Variants in FRMD6 observed in about 807,000 individuals in gnomAD.
FRMD6 encodes the protein FERM domain-containing protein 6.
A neutral mutation model predicts 73.2 loss-of-function variants in FRMD6; 37 were observed. The ratio of observed to expected loss-of-function variants is 0.51; its 90% CI spans 0.39 to 0.66. The LOEUF (loss-of-function observed/expected upper bound fraction) is 0.66, where lower values mean the gene tolerates loss of function less well. Among genes scored for constraint, FRMD6 ranks in the 30% least tolerant of loss-of-function variants. The pLI, the probability that FRMD6 is intolerant of heterozygous loss-of-function variation, is 0.00. For missense variants in FRMD6, 714 were observed against 780.5 expected, an observed-to-expected ratio of 0.91 and a Z score of 1.02; for synonymous variants, 273 against 282.2, an observed-to-expected ratio of 0.97 and a Z score of 0.33.
the FRMD6 span, among the ~76,000 whole-genome samples, chr14:51,462,012 G>A: frequency 1.5e-4 from 23 of 152,158 alleles, 1 homozygote; most frequent in East Asian, 4.4e-3. Context: ...AATTCCTTAG[G>A]AAGGGAGAAA....
chr14:51,441,511 AT>A, the FRMD6 span, among the ~76,000 whole-genome samples: 1 of 152,206 alleles, frequency 6.6e-6, no homozygotes, highest in South Asian at 2.1e-4. Flanking sequence ...TTAATTTTCC[AT>A]TCTTTTAAAC....
At chr14:51,511,977 A>G (rs761000360) in intron 1 of FRMD6, among the ~76,000 whole-genome samples, 5 of 152,226 alleles carry the variant, frequency 3.3e-5, no homozygotes, top group Non-Finnish European at 7.3e-5. Flanking sequence ...GACAAGTTCA[A>G]TGGACATTTT....
At chr14:51,556,261 T>C (rs940435504) in intron 1 of FRMD6, among the ~76,000 whole-genome samples, 1 of 152,242 alleles carries the variant, frequency 6.6e-6, no homozygotes, top group Non-Finnish European at 1.5e-5. Flanking sequence ...TCAGACACTT[T>C]TGTTCTCTCA....
At chr14:51,689,375 C>T (rs1262774151) in intron 1 of FRMD6, among the ~76,000 whole-genome samples, 1 of 152,182 alleles carries the variant, frequency 6.6e-6, no homozygotes, top group Non-Finnish European at 1.5e-5. Flanking sequence ...CTTTATCTCC[C>T]ATGTGGGACT....
chr14:51,453,678 T>G, the FRMD6 span, among the ~76,000 whole-genome samples: 1 of 152,132 alleles, frequency 6.6e-6, no homozygotes, highest in Non-Finnish European at 1.5e-5. Context: ...CACACATACA[T>G]ACACGCATAT....
In FRMD6 at chr14:51,493,684, G is replaced by T. The variant is rs138598319; in HGVS notation, c.-210+4264G>T. On this transcript the variant is annotated intron_variant, in intron 1 of 14. Transcript: ENST00000356218. ...ATACACGAGGAAATGTCAATGAAAT[G>T]ACATACTTGTCATTTACTATATGAA... Among the ~76,000 whole-genome samples, 745 of 152,244 alleles carry T rather than the reference G, an allele frequency of 4.9e-3. 1 individual carries two copies. Among genetic ancestry groups the T allele is most frequent in the Non-Finnish European group, 8.1e-3 (551 of 68,008 alleles).
At chr14:51,438,508 A>G in the FRMD6 span, among the ~76,000 whole-genome samples, 585 of 152,342 alleles carry the variant, frequency 3.8e-3, 2 homozygotes, top group East Asian at 8.9e-3. Context: ...TTTGACTTGT[A>G]TAACATCACT....
chr14:51,585,376 C>A (rs1446013686), intron 2 of FRMD6, among the ~76,000 whole-genome samples: 8 of 152,094 alleles, frequency 5.3e-5, no homozygotes, highest in African/African-American at 1.9e-4. Flanking sequence ...AATCTCACAA[C>A]CTGAAATTGT....
At chr14:51,710,026 T>G (rs1896854585) in intron 7 of FRMD6, among the ~76,000 whole-genome samples, 1 of 152,184 alleles carries the variant, frequency 6.6e-6, no homozygotes. Flanking sequence ...AATTGCTTTT[T>G]GCCTTATTTG....
intron 2 of FRMD6, among the ~76,000 whole-genome samples, chr14:51,627,604 G>A (rs2139958648): frequency 1.3e-5 from 2 of 152,278 alleles, no homozygotes; most frequent in Admixed American, 1.3e-4. Context: ...GACATATTGG[G>A]TGCTGGTTCT....
chr14:51,530,726 G>A (rs975487299), intron 1 of FRMD6, among the ~76,000 whole-genome samples: 1 of 151,828 alleles, frequency 6.6e-6, no homozygotes, highest in African/African-American at 2.4e-5. Flanking sequence ...AGCTCAAGTG[G>A]TTCACCTGCT....
At chr14:51,644,430 C>T (rs913118664) in intron 2 of FRMD6, among the ~76,000 whole-genome samples, 4 of 149,350 alleles carry the variant, frequency 2.7e-5, no homozygotes, top group South Asian at 2.1e-4. Flanking sequence ...CTGATCTCTA[C>T]GTGTAATTTA....
At chr14:51,661,757 A>G (rs1893232575) in intron 1 of FRMD6, among the ~76,000 whole-genome samples, 2 of 152,330 alleles carry the variant, frequency 1.3e-5, no homozygotes, top group Admixed American at 6.5e-5. Context: ...GTGTCACTGG[A>G]GAAGTGGAGA....
At chr14:51,715,623 G>T (rs767897956) in intron 10 of FRMD6, 124 bp downstream of exon 10, 4 of 694,022 alleles carry the variant, frequency 5.8e-6, no homozygotes, top group Non-Finnish European at 9.2e-6. Context: ...CAGATTGAGA[G>T]CAGCATTACT....
At chr14:51,703,228 C>T (rs1566579625) in intron 5 of FRMD6, among the ~76,000 whole-genome samples, 1 of 151,980 alleles carries the variant, frequency 6.6e-6, no homozygotes, top group African/African-American at 2.4e-5. Context: ...TCAGAATTCA[C>T]CATTTCAGAA....
At chr14:51,549,966 C>T (rs1166422559) in intron 1 of FRMD6, among the ~76,000 whole-genome samples, 1 of 152,146 alleles carries the variant, frequency 6.6e-6, no homozygotes, top group East Asian at 1.9e-4. Context: ...AGCACATGTC[C>T]GCTAACCTAA....
At chr14:51,568,392 C>T (rs1887899641) in intron 1 of FRMD6, among the ~76,000 whole-genome samples, 1 of 152,206 alleles carries the variant, frequency 6.6e-6, no homozygotes, top group South Asian at 2.1e-4. Flanking sequence ...AGCCTTAATC[C>T]AGAAACAGGT....
chr14:51,697,531 A>G (rs1441123853), intron 2 of FRMD6, among the ~76,000 whole-genome samples: 1 of 152,120 alleles, frequency 6.6e-6, no homozygotes, highest in Non-Finnish European at 1.5e-5. Context: ...AAAAAATACA[A>G]TATTTCAGTT....
the FRMD6 span, among the ~76,000 whole-genome samples, chr14:51,451,469 G>C: frequency 6.6e-6 from 1 of 152,298 alleles, no homozygotes; most frequent in East Asian, 1.9e-4. Context: ...CACCTCTTGG[G>C]TTCAATTGAT....
Sources: gnomAD v4.1 joint callset for allele counts (sites outside exome capture counted in the v4.1 genomes callset) on GRCh38, gnomAD v4.1.1 for gene constraint, MANE v1.5 for transcripts, NCBI Gene and HGNC (gene_info 2026-07-23, HGNC 2026-07-21) for gene names.